ACSL6: variants seen among roughly 807,000 people sequenced by gnomAD.
ACSL6 encodes long-chain-fatty-acid--CoA ligase 6.
ACSL6 carries 47 observed loss-of-function variants against 98.2 expected under a neutral mutation model. That is an observed-to-expected ratio of 0.48 (90% CI 0.38 to 0.61). The LOEUF (loss-of-function observed/expected upper bound fraction) is 0.61. Among genes scored for constraint, ACSL6 ranks in the 20% least tolerant of loss-of-function variants. The pLI is 0.00. For missense variants in ACSL6, 761 were observed against 913.4 expected (o/e 0.83, Z 2.15); for synonymous variants, 362 against 336.9 (o/e 1.07, Z -0.82).
At chr5:131,984,908 C>T (rs1369678405) in intron 9 of ACSL6, 1 of 195,308 alleles carries the variant, frequency 5.1e-6, no homozygotes, top group Non-Finnish European at 1.1e-5. Context: ...TAGCCACCCT[C>T]ATGGCAGATG....
At chr5:131,985,533 C>A (rs1754132984) in intron 8 of ACSL6, 75 bp from the exon 9 acceptor site, 1 of 1,514,230 alleles carries the variant, frequency 6.6e-7, no homozygotes, top group South Asian at 1.1e-5. Context: ...CTGGGCTCCC[C>A]AACCAGCCAG....
At chr5:131,995,566 G>A (rs1326292681) in intron 1 of ACSL6, among the ~76,000 whole-genome samples, 1 of 152,168 alleles carries the variant, frequency 6.6e-6, no homozygotes, top group Non-Finnish European at 1.5e-5. Context: ...GGGAAACAAG[G>A]AGAATGCAAC....
At chr5:131,990,501 T>C (rs1754446399) in intron 3 of ACSL6, among the ~76,000 whole-genome samples, 1 of 152,150 alleles carries the variant, frequency 6.6e-6, no homozygotes, top group Non-Finnish European at 1.5e-5. Flanking sequence ...AGGCTGCCTC[T>C]CTTTGCCTCT....
Position 131,971,589 on chromosome 5 carries a change from T to C in ACSL6, c.1395A>G (p.Pro465=). 3.1e-6 allele frequency: 5 copies of C among 1,612,188 alleles called. No homozygotes were observed. The highest frequency in any genetic ancestry group is 4.2e-6 in the Non-Finnish European group (5 of 1,179,020). ...CTGCCCGGAGAAATCCCAGAACTGT[T>C]GGTGATGCTGGGGCTGCTCCAGTAA... ...MIVTGAAPAS[P]TVLGFLRAAL... The change falls in exon 14 of 21, where the codon CCA becomes CCG. Residue 465 remains proline (P), a synonymous_variant. Transcript: ENST00000651883.
rs369262139 is a variant in ACSL6, at chr5:131,967,998, T to C, written c.1538A>G (p.His513Arg). 1.9e-6 allele frequency: 3 copies of C among 1,613,936 alleles called. No individual in the cohort carries two copies. The highest frequency in any genetic ancestry group is 1.7e-6 in the Non-Finnish European group (2 of 1,179,890). ...GHVGAPLPCN[H>R]IKLVDVEELN... ...TTCCTCAACATCAACGAGCTTGATA[T>C]GATTGCAGGGAAGTGGCGCCCCTAC... Residue 513 changes from histidine (H) to arginine (R), a missense_variant, in exon 16 of 21, where the codon CAT becomes CGT. Transcript: ENST00000651883.
intron 13 of ACSL6, among the ~76,000 whole-genome samples, chr5:131,972,510 T>A (rs1753366782): frequency 6.6e-6 from 1 of 152,026 alleles, no homozygotes; most frequent in Non-Finnish European, 1.5e-5. Flanking sequence ...CATAGTAGGT[T>A]TTCTTCTTGC....
At chr5:132,010,812 G>T (rs1211879426) in intron 1 of ACSL6, among the ~76,000 whole-genome samples, 2 of 152,196 alleles carry the variant, frequency 1.3e-5, no homozygotes, top group Non-Finnish European at 2.9e-5. Context: ...TGAGACTCCA[G>T]GTGTGGGTGT....
At chr5:131,975,636 G>T (rs1753574898) in intron 10 of ACSL6, 2 of 985,366 alleles carry the variant, frequency 2.0e-6, no homozygotes, top group Non-Finnish European at 2.4e-6. Flanking sequence ...GAGGAATGCT[G>T]ACAGGGAGCC....
At position 131,968,003 on chromosome 5, in the gene ACSL6, G is replaced by A. The variant is rs780341366; in HGVS notation, c.1533C>T (p.Cys511=). 1 of 1,613,930 alleles carries A rather than the reference G, an allele frequency of 6.2e-7. No individual in the cohort carries two copies. Among genetic ancestry groups the A allele is most frequent in the South Asian group, 1.1e-5 (1 of 91,038 alleles). ...CAACATCAACGAGCTTGATATGATT[G>A]CAGGGAAGTGGCGCCCCTACGTGCC... ...TSGHVGAPLP[C]NHIKLVDVEE... is the part of the protein sequence containing the mutation. The change falls in exon 16 of 21, where the codon TGC becomes TGT. Residue 511 remains cysteine, a synonymous_variant. Coordinates refer to ENST00000651883, the MANE Select transcript of ACSL6 (RefSeq NM_001009185.3).
At chr5:132,001,143 C>T (rs552581213) in intron 1 of ACSL6, among the ~76,000 whole-genome samples, 1 of 152,366 alleles carries the variant, frequency 6.6e-6, no homozygotes, top group Non-Finnish European at 1.5e-5. Flanking sequence ...AATATGAAAG[C>T]TTCCTTTAAT....
Position 131,954,300 on chromosome 5 carries a change from A to T in ACSL6, c.2103T>A (p.Ala701=), listed in dbSNP as rs1752285073. 5 of 1,614,074 alleles carry T rather than the reference A, an allele frequency of 3.1e-6. No individual in the cohort carries two copies. The highest frequency in any genetic ancestry group is 4.2e-6 in the Non-Finnish European group (5 of 1,179,980). The change falls in exon 21 of 21, where the codon GCT becomes GCA. Residue 701 remains alanine, a synonymous_variant. Transcript: ENST00000651883. The stretch of plus-strand genomic sequence containing the variant: ...AGTACTCTCTCAGCTCAGGTCTCTT[A>T]GCTTTTAGTGTTGGTGTCAGCAAGC... ...QNGLLTPTLK[A]KRPELREYFK...
At chr5:131,957,858 G>A (rs1187727219) in intron 20 of ACSL6, among the ~76,000 whole-genome samples, 2 of 152,214 alleles carry the variant, frequency 1.3e-5, no homozygotes, top group East Asian at 3.8e-4. Flanking sequence ...ACTGGCTATG[G>A]TAGGGAGGAT....
At chr5:131,956,696 T>A (rs2149680129) in intron 20 of ACSL6, among the ~76,000 whole-genome samples, 1 of 152,218 alleles carries the variant, frequency 6.6e-6, no homozygotes, top group East Asian at 1.9e-4. Context: ...AAACCTATAG[T>A]TTTTTTTAGA....
At chr5:132,008,071 G>T (rs1755509147) in intron 1 of ACSL6, among the ~76,000 whole-genome samples, 1 of 152,212 alleles carries the variant, frequency 6.6e-6, no homozygotes, top group Admixed American at 6.5e-5. Flanking sequence ...AGAGCTGTGA[G>T]AAGGTGCTGC....
At chr5:132,009,027 T>C (rs1434493682) in intron 1 of ACSL6, among the ~76,000 whole-genome samples, 1 of 152,256 alleles carries the variant, frequency 6.6e-6, no homozygotes, top group Non-Finnish European at 1.5e-5. Flanking sequence ...TGACTCATGC[T>C]GGACTTATTT....
chr5:131,981,029 G>A (rs10477740), intron 9 of ACSL6, among the ~76,000 whole-genome samples: 13,235 of 152,040 alleles, frequency 0.087, 1,301 homozygotes, highest in African/African-American at 0.24. Flanking sequence ...GGCAGAAGCC[G>A]TCAGAGGACT....
intron 10 of ACSL6, chr5:131,975,239 G>C: frequency 1.5e-6 from 2 of 1,315,720 alleles, no homozygotes; most frequent in South Asian, 3.4e-5. Context: ...AGCGTCAGTG[G>C]GTCTAGGTTA....
intron 10 of ACSL6, chr5:131,975,227 G>T: frequency 7.4e-7 from 1 of 1,350,930 alleles, no homozygotes; most frequent in African/African-American, 1.5e-5. Flanking sequence ...GTGTTAGGTC[G>T]CAGCGTCAGT....
chr5:131,985,791 C>T (rs1317969765), intron 8 of ACSL6, among the ~76,000 whole-genome samples: 1 of 152,190 alleles, frequency 6.6e-6, no homozygotes, highest in Non-Finnish European at 1.5e-5. Context: ...ATCTCAGTCT[C>T]TATCAAAGCT....
Sources: allele counts gnomAD v4.1 joint callset (sites outside exome capture counted in the v4.1 genomes callset), GRCh38; gene constraint gnomAD v4.1.1; transcripts MANE v1.5; gene names NCBI Gene and HGNC (gene_info 2026-07-23, HGNC 2026-07-21).